The following CALN1 variants were observed in gnomAD, a reference collection of about 807,000 sequenced individuals.
CALN1 encodes the protein calneuron 1, also known as calcium-binding protein 8.
A neutral mutation model predicts 30.6 loss-of-function variants in CALN1; 17 were observed. The ratio of observed to expected loss-of-function variants is 0.56; its 90% CI spans 0.38 to 0.83. CALN1 has a LOEUF of 0.83. CALN1 is among the 40% of genes least tolerant of loss of function. The pLI is 0.00. For missense variants in CALN1, 291 were observed against 354.9 expected, an observed-to-expected ratio of 0.82 and a Z score of 1.45; for synonymous variants, 156 against 131.4, an observed-to-expected ratio of 1.19 and a Z score of -1.28.
chr7:72,225,323 A>G (rs983633755), intron 3 of CALN1, among the ~76,000 whole-genome samples: 2 of 151,814 alleles, frequency 1.3e-5, no homozygotes, highest in African/African-American at 2.4e-5. Context: ...TGTGTCCCCA[A>G]TTCTGTAAGC....
intron 4 of CALN1, among the ~76,000 whole-genome samples, chr7:72,067,724 A>T (rs1804120467): frequency 6.6e-6 from 1 of 152,202 alleles, no homozygotes; most frequent in Non-Finnish European, 1.5e-5. Context: ...CTGACTGCTG[A>T]TCCACCGAAT....
intron 1 of CALN1, among the ~76,000 whole-genome samples, chr7:72,411,169 A>G (rs892950525): frequency 6.6e-6 from 1 of 152,258 alleles, no homozygotes; most frequent in African/African-American, 2.4e-5. Flanking sequence ...AAAAACTATC[A>G]AAAGGAAAAA....
intron 4 of CALN1, among the ~76,000 whole-genome samples, chr7:72,097,087 C>T (rs550441000): frequency 7.3e-4 from 111 of 152,084 alleles, no homozygotes; most frequent in African/African-American, 2.6e-3. Context: ...TATGTTCTCA[C>T]TCATAGGTGG....
intron 2 of CALN1, among the ~76,000 whole-genome samples, chr7:72,309,509 G>T (rs1316399809): frequency 1.3e-5 from 2 of 152,070 alleles, no homozygotes; most frequent in Non-Finnish European, 2.9e-5. Context: ...GAATAGGGGA[G>T]GGGGGCTCAC....
At chr7:72,045,829 G>A (rs906826713) in intron 4 of CALN1, among the ~76,000 whole-genome samples, 1 of 151,832 alleles carries the variant, frequency 6.6e-6, no homozygotes, top group East Asian at 1.9e-4. Context: ...GTGAAACCCT[G>A]TCTCTACTAA....
chr7:72,204,429 A>AT (rs1452034736), intron 3 of CALN1, among the ~76,000 whole-genome samples: 1 of 152,180 alleles, frequency 6.6e-6, no homozygotes, highest in Non-Finnish European at 1.5e-5. Flanking sequence ...ACCATATTGC[A>AT]TTCCAGTCCA....
chr7:72,160,576 G>A (rs1286603363), intron 3 of CALN1, among the ~76,000 whole-genome samples: 1 of 152,094 alleles, frequency 6.6e-6, no homozygotes, highest in Non-Finnish European at 1.5e-5. Context: ...ACCATGCCCA[G>A]CCAGAACACT....
intron 4 of CALN1, among the ~76,000 whole-genome samples, chr7:72,092,977 C>T (rs1805976198): frequency 1.3e-5 from 2 of 152,080 alleles, no homozygotes; most frequent in Non-Finnish European, 2.9e-5. Flanking sequence ...TGAGTGACAG[C>T]TTTAATTTTG....
rs142607076 is a variant in CALN1 at position 72,397,714 on chromosome 7, T to TCTCACACACACACACA, written c.119+5536_119+5537insTGTGTGTGTGTGTGAG. Among the ~76,000 whole-genome samples the TCTCACACACACACACA allele has an allele frequency of 3.8e-3, 538 of 142,898 alleles. 3 individuals carry two copies. The highest frequency in any genetic ancestry group is 8.3e-3 in the African/African-American group (318 of 38,216). 93.7% of individuals were successfully genotyped at this position (142,898 alleles called of 152,430 possible). On this transcript the variant is annotated intron_variant, in intron 2 of 6. Coordinates refer to ENST00000395275, the MANE Select transcript of CALN1 (RefSeq NM_031468.4). ...GATCTTGGAGAGCACCCATTCTCTC[T>TCTCACACACACACACA]CACACACACACACACACACACACAC...
At chr7:72,319,547 A>G (rs1163936505) in intron 2 of CALN1, among the ~76,000 whole-genome samples, 2 of 152,246 alleles carry the variant, frequency 1.3e-5, no homozygotes, top group African/African-American at 4.8e-5. Context: ...AAACCATATC[A>G]TATACACATA....
In CALN1 at chr7:72,364,585, A is replaced by AT. The variant is rs34658032; in HGVS notation, c.119+38665dup. On this transcript the variant is annotated intron_variant, in intron 2 of 6. Transcript: ENST00000395275. ...GCCTGGCAAAGTATTTGTTGGGTAAATAGATGAACAAAACACAGAATTATA... is the reference window on the plus strand; with the variant it reads ...GCCTGGCAAAGTATTTGTTGGGTAAATTAGATGAACAAAACACAGAATTATA... 8.5e-3 allele frequency among the ~76,000 whole-genome samples: 1,290 copies of AT among 152,328 alleles called. 7 individuals are homozygous for AT. The highest frequency in any genetic ancestry group is 0.034 in the Middle Eastern group (10 of 294).
At chr7:72,451,398 G>A (rs1036344681), upstream of CALN1, among the ~76,000 whole-genome samples, 3 of 145,308 alleles carry the variant, frequency 2.1e-5, no homozygotes, top group African/African-American at 7.6e-5. Flanking sequence ...AGGAGGAGTG[G>A]GGGAAGGGGG....
intron 5 of CALN1, among the ~76,000 whole-genome samples, chr7:71,876,760 A>G (rs1792268575): frequency 6.6e-6 from 1 of 152,238 alleles, no homozygotes; most frequent in Non-Finnish European, 1.5e-5. Context: ...TCTTACCCAA[A>G]GTTGCCCAGG....
intron 2 of CALN1, among the ~76,000 whole-genome samples, chr7:72,398,758 C>A (rs1448794134): frequency 1.3e-5 from 2 of 152,252 alleles, no homozygotes; most frequent in African/African-American, 4.8e-5. Context: ...AATACATACG[C>A]ACACACCTTG....
chr7:72,247,553 C>A (rs1431114618), intron 3 of CALN1, among the ~76,000 whole-genome samples: 1 of 152,094 alleles, frequency 6.6e-6, no homozygotes, highest in Non-Finnish European at 1.5e-5. Context: ...CCGTGCCCGC[C>A]CTCAACAGGC....
rs200192883 is a variant in CALN1, at chr7:72,400,332, T to TCC, written c.119+2917_119+2918dup. On this transcript the variant is annotated intron_variant, in intron 2 of 6. Transcript: ENST00000395275. ...GATTTGGAATTGAGACCACACTGAT[T>TCC]CCTCCATTTAATCACTGTCAAACAG... Among the ~76,000 whole-genome samples the TCC allele has an allele frequency of 6.3e-3, 964 of 152,262 alleles. 9 individuals carry two copies. The highest frequency in any genetic ancestry group is 0.031 in the South Asian group (150 of 4,826).
intron 3 of CALN1, among the ~76,000 whole-genome samples, chr7:72,185,198 G>A (rs1424055352): frequency 6.6e-6 from 1 of 152,030 alleles, no homozygotes; most frequent in African/African-American, 2.4e-5. Flanking sequence ...CACCCAAAGA[G>A]TCCAAGCGTA....
At chr7:72,054,528 CATACATATATAT>C (rs1284106076) in intron 4 of CALN1, among the ~76,000 whole-genome samples, 6 of 55,750 alleles carry the variant, frequency 1.1e-4, no homozygotes, top group African/African-American at 1.5e-4. Flanking sequence ...TACATATATA[CATACATATATAT>C]ATACATATAT....
intron 3 of CALN1, among the ~76,000 whole-genome samples, chr7:72,191,431 G>A (rs532101444): frequency 2.0e-5 from 3 of 151,794 alleles, no homozygotes; most frequent in African/African-American, 7.3e-5. Flanking sequence ...GTGAAACCCC[G>A]TCTGTAGTAA....
Sources: gnomAD v4.1 joint callset for allele counts (sites outside exome capture counted in the v4.1 genomes callset) on GRCh38, gnomAD v4.1.1 for gene constraint, MANE v1.5 for transcripts, NCBI Gene and HGNC (gene_info 2026-07-23, HGNC 2026-07-21) for gene names.